KAZN: variants seen among roughly 807,000 people sequenced by gnomAD.
KAZN encodes kazrin, periplakin interacting protein, also known as kazrin.
KAZN carries 40 observed loss-of-function variants against 87.4 expected under a neutral mutation model. That is an observed-to-expected ratio of 0.46 (90% CI 0.36 to 0.60). The LOEUF is 0.60. Ranked by LOEUF, KAZN falls within the 20% of genes least tolerant of loss-of-function variation. The pLI is 0.00. For missense variants in KAZN, 898 were observed against 1,073.9 expected (o/e 0.84, Z 2.29); for synonymous variants, 466 against 458.3 (o/e 1.02, Z -0.22).
chr1:14,115,256 A>G (rs1359821028), intron 1 of KAZN, among the ~76,000 whole-genome samples: 1 of 152,210 alleles, frequency 6.6e-6, no homozygotes, highest in Non-Finnish European at 1.5e-5. Flanking sequence ...GCCACAAATC[A>G]CATCATGAAG....
intron 2 of KAZN, among the ~76,000 whole-genome samples, chr1:14,515,554 C>T (rs1671255933): frequency 6.6e-6 from 1 of 152,152 alleles, no homozygotes; most frequent in Non-Finnish European, 1.5e-5. Context: ...CTCCATCCTT[C>T]TCCTGTTCTA....
At chr1:14,303,895 T>C (rs1216530416) in intron 2 of KAZN, among the ~76,000 whole-genome samples, 1 of 152,182 alleles carries the variant, frequency 6.6e-6, no homozygotes, top group Admixed American at 6.5e-5. Flanking sequence ...AATAAACTCC[T>C]CAAATCCTCA....
chr1:14,135,004 T>C (rs563933252), intron 1 of KAZN, among the ~76,000 whole-genome samples: 7 of 22,236 alleles, frequency 3.1e-4, no homozygotes, highest in African/African-American at 1.1e-3. Flanking sequence ...CACACACACA[T>C]GTGCACACAT....
intron 1 of KAZN, among the ~76,000 whole-genome samples, chr1:14,156,626 T>A (rs1223189619): frequency 6.6e-6 from 1 of 152,210 alleles, no homozygotes; most frequent in African/African-American, 2.4e-5. Flanking sequence ...TGTCTTGAAA[T>A]CTATTTTGTC....
At chr1:14,150,007 G>A (rs144006419) in intron 1 of KAZN, among the ~76,000 whole-genome samples, 84 of 152,258 alleles carry the variant, frequency 5.5e-4, no homozygotes, top group African/African-American at 1.9e-3. Context: ...TAGTCATAAC[G>A]CAACAGCAGG....
Position 14,666,088 on chromosome 1 carries a change from A to G in KAZN, c.226+66865A>G, listed in dbSNP as rs572078008. Reference sequence around the variant, plus strand: ...AGCATATATTTTTTATTAACAGCCCAGCAATATCTATAATGACGGAGAGGG... The same window carrying G: ...AGCATATATTTTTTATTAACAGCCCGGCAATATCTATAATGACGGAGAGGG... On this transcript the variant is annotated intron_variant, in intron 1 of 14. Coordinates refer to ENST00000376030, the MANE Select transcript of KAZN (RefSeq NM_201628.3). 3.3e-5 allele frequency among the ~76,000 whole-genome samples: 5 copies of G among 151,820 alleles called. No individual in the cohort carries two copies. In the East Asian group the frequency reaches 9.7e-4, roughly 29 times the overall value.
At chr1:14,114,336 A>G (rs2101681858) in intron 1 of KAZN, among the ~76,000 whole-genome samples, 1 of 152,196 alleles carries the variant, frequency 6.6e-6, no homozygotes, top group East Asian at 1.9e-4. Context: ...GATGCTCCCC[A>G]TGGCTCTCTT....
At chr1:14,386,010 A>T (rs1034774194) in intron 2 of KAZN, among the ~76,000 whole-genome samples, 1 of 151,990 alleles carries the variant, frequency 6.6e-6, no homozygotes, top group Non-Finnish European at 1.5e-5. Context: ...TATTGGGTAC[A>T]TATATTTTTA....
rs138533639 is a variant in KAZN, at chr1:14,835,576, G to A, written c.227-125108G>A. 6.3e-3 allele frequency among the ~76,000 whole-genome samples: 966 copies of A among 152,234 alleles called. 7 individuals carry two copies. The highest frequency in any genetic ancestry group is 0.019 in the Admixed American group (291 of 15,290). On this transcript the variant is annotated intron_variant, in intron 1 of 14. Transcript: ENST00000376030. ...CATTGTCACGGGAGGAAACTGAAGC[G>A]CGGAAGTTAAATAACTGGCCCCAAA... is the stretch of plus-strand genomic sequence containing the variant.
At chr1:14,068,164 C>T (rs139924438) in intron 1 of KAZN, among the ~76,000 whole-genome samples, 250 of 152,230 alleles carry the variant, frequency 1.6e-3, no homozygotes, top group African/African-American at 5.9e-3. Context: ...CATATTGATG[C>T]AGAAACAAAC....
intron 1 of KAZN, among the ~76,000 whole-genome samples, chr1:14,908,766 G>A (rs957026992): frequency 1.3e-5 from 2 of 152,130 alleles, no homozygotes; most frequent in African/African-American, 2.4e-5. Flanking sequence ...TGTAATCCCA[G>A]CACTTTGAGA....
chr1:15,106,747 AC>A (rs1242378712), intron 13 of KAZN, among the ~76,000 whole-genome samples: 3 of 152,116 alleles, frequency 2.0e-5, no homozygotes, highest in Non-Finnish European at 4.4e-5. Flanking sequence ...AATGCACATG[AC>A]CCAAAGGCGC....
intron 2 of KAZN, among the ~76,000 whole-genome samples, chr1:14,227,316 C>T (rs567225293): frequency 6.6e-6 from 1 of 152,216 alleles, no homozygotes; most frequent in African/African-American, 2.4e-5. Context: ...AGAAGGAGCA[C>T]AGTGAGAATG....
chr1:14,526,140 C>T (rs80337150), intron 2 of KAZN, among the ~76,000 whole-genome samples: 2 of 152,164 alleles, frequency 1.3e-5, no homozygotes, highest in Non-Finnish European at 2.9e-5. Context: ...CCACATTTTT[C>T]CCTTCCCTGG....
At chr1:14,411,494 C>T (rs966619397) in intron 2 of KAZN, among the ~76,000 whole-genome samples, 49 of 152,208 alleles carry the variant, frequency 3.2e-4, no homozygotes, top group African/African-American at 1.2e-3. Flanking sequence ...TGGGGTTTTG[C>T]CATGTTGGCC....
chr1:15,063,962 C>T (rs539343630), intron 7 of KAZN, among the ~76,000 whole-genome samples: 22 of 152,326 alleles, frequency 1.4e-4, no homozygotes, highest in Admixed American at 2.0e-4. Context: ...CACCTGGGCC[C>T]GCCTGGCCCT....
intron 2 of KAZN, among the ~76,000 whole-genome samples, chr1:14,271,840 G>A (rs1382360637): frequency 6.6e-6 from 1 of 152,210 alleles, no homozygotes; most frequent in African/African-American, 2.4e-5. Context: ...GTGTATTACA[G>A]AAGAGATTTC....
chr1:14,781,269 C>T (rs1044248445), intron 1 of KAZN, among the ~76,000 whole-genome samples: 2 of 152,224 alleles, frequency 1.3e-5, no homozygotes, highest in African/African-American at 4.8e-5. Flanking sequence ...TTGCAGTGAG[C>T]CGAGATCGCG....
chr1:14,447,208 C>CATTATTATTATTATTATT (rs55650123), intron 2 of KAZN, among the ~76,000 whole-genome samples: 59 of 131,178 alleles, frequency 4.5e-4, no homozygotes, highest in African/African-American at 1.0e-3. Flanking sequence ...GTTTCCACCA[C>CATTATTATTATTATTATT]ATTATTATTA....
Sources: gnomAD v4.1 joint callset for allele counts (sites outside exome capture counted in the v4.1 genomes callset) on GRCh38, gnomAD v4.1.1 for gene constraint, MANE v1.5 for transcripts, NCBI Gene and HGNC (gene_info 2026-07-23, HGNC 2026-07-21) for gene names.